USP47: variants seen among roughly 807,000 people sequenced by gnomAD.
The protein encoded by USP47 is ubiquitin carboxyl-terminal hydrolase 47.
A neutral mutation model predicts 165.1 loss-of-function variants in USP47; 35 were observed. The ratio of observed to expected loss-of-function variants is 0.21; its 90% CI spans 0.16 to 0.28. The LOEUF (loss-of-function observed/expected upper bound fraction) is 0.28, where lower values mean the gene tolerates loss of function less well. USP47 is among the 10% of genes least tolerant of loss of function. The pLI is 1.00. For synonymous variants in USP47, 531 were observed against 544.5 expected, an observed-to-expected ratio of 0.98 and a Z score of 0.35; for missense variants, 1,277 against 1,607.4, an observed-to-expected ratio of 0.79 and a Z score of 3.52.
At chr11:11,873,396 G>A (rs1427540620) in intron 1 of USP47, among the ~76,000 whole-genome samples, 1 of 152,074 alleles carries the variant, frequency 6.6e-6, no homozygotes, top group African/African-American at 2.4e-5. Context: ...ATATTGTTAA[G>A]CAGCCTTGTT....
intron 18 of USP47, among the ~76,000 whole-genome samples, chr11:11,938,747 C>CA (rs1340103722): frequency 6.6e-6 from 1 of 151,928 alleles, no homozygotes; most frequent in South Asian, 2.1e-4. Context: ...CATTTAGTGT[C>CA]TGGTGACACT....
chr11:11,907,286 G>A (rs1852634945), intron 8 of USP47, among the ~76,000 whole-genome samples: 1 of 152,160 alleles, frequency 6.6e-6, no homozygotes, highest in Non-Finnish European at 1.5e-5. Flanking sequence ...GTGGTTCAGT[G>A]GGAATTGGAA....
chr11:11,867,507 T>C (rs193221077), intron 1 of USP47, among the ~76,000 whole-genome samples: 2 of 152,356 alleles, frequency 1.3e-5, no homozygotes, highest in East Asian at 3.9e-4. Flanking sequence ...TGTTAAATTT[T>C]GTGTTTTTAA....
chr11:11,883,045 A>T (rs1850930821), intron 2 of USP47, among the ~76,000 whole-genome samples: 1 of 152,170 alleles, frequency 6.6e-6, no homozygotes, highest in Non-Finnish European at 1.5e-5. Context: ...TACTCCTCAG[A>T]AAACTAAGCC....
chr11:11,861,710 A>C (rs1441672657), intron 1 of USP47, among the ~76,000 whole-genome samples: 1 of 152,208 alleles, frequency 6.6e-6, no homozygotes, highest in African/African-American at 2.4e-5. Context: ...GGGACACCCT[A>C]ATACTAGAGC....
chr11:11,872,448 C>G (rs961590391), intron 1 of USP47, among the ~76,000 whole-genome samples: 4 of 152,230 alleles, frequency 2.6e-5, no homozygotes, highest in Admixed American at 2.6e-4. Context: ...GCAAGTTAGA[C>G]TCCTACTTTA....
intron 3 of USP47, among the ~76,000 whole-genome samples, chr11:11,890,599 T>A (rs1487021066): frequency 3.9e-5 from 6 of 152,150 alleles, no homozygotes; most frequent in Non-Finnish European, 7.4e-5. Context: ...GAAAATAATG[T>A]GGTCATTCCT....
rs773195332 is a variant in USP47, at chr11:11,938,356, A to G, written c.2177A>G (p.Lys726Arg). Residue 726 changes from lysine to arginine, a missense_variant, in exon 18 of 28, where the codon AAA becomes AGA. Physicochemically the swap from Lys to Arg is conservative, Grantham distance 26 (BLOSUM62 2). Transcript: ENST00000527733. Reference protein sequence around the residue: ...AYLNQTVTEFKQLISKAIHLP... With the variant: ...AYLNQTVTEFRQLISKAIHLP... ...TTAAATCAGACAGTTACAGAATTCA[A>G]ACAACTGATTTCAAAGGTAAGTTTT... 1.9e-5 allele frequency: 31 copies of G among 1,611,674 alleles called. No individual in the cohort carries two copies. Among genetic ancestry groups the G allele is most frequent in the Admixed American group, 1.0e-4 (6 of 59,782 alleles).
At position 11,955,993 on chromosome 11, in the gene USP47, A is replaced by C; in HGVS notation, c.3894-8A>C. On this transcript the variant is annotated splice_polypyrimidine_tract_variant and splice_region_variant and intron_variant, in intron 27 of 27. Transcript: ENST00000527733. ...TGGACTAATATGTGATTAATATTTT[A>C]TATGTAGGGATAAAACAGAAGAATT... is the stretch of plus-strand genomic sequence containing the variant. The C allele has an allele frequency of 1.3e-6, 2 of 1,540,704 alleles. No individual in the cohort carries two copies. Among genetic ancestry groups the C allele is most frequent in the African/African-American group, 1.4e-5 (1 of 72,098 alleles).
At chr11:11,921,362 A>G (rs1389911127) in intron 10 of USP47, among the ~76,000 whole-genome samples, 1 of 151,790 alleles carries the variant, frequency 6.6e-6, no homozygotes. Flanking sequence ...ATTGAGTACT[A>G]TGAGGCAGTT....
chr11:11,944,774 A>G (rs964622387), intron 20 of USP47, among the ~76,000 whole-genome samples: 5 of 152,162 alleles, frequency 3.3e-5, no homozygotes, highest in African/African-American at 9.7e-5. Flanking sequence ...CTTTTTTACC[A>G]TACTCAACCC....
At chr11:11,854,367 TG>T in intron 1 of USP47, among the ~76,000 whole-genome samples, 1 of 147,208 alleles carries the variant, frequency 6.8e-6, no homozygotes, top group East Asian at 2.0e-4. Context: ...AAATACCAGC[TG>T]TCTGACATTG....
In USP47 at chr11:11,930,098, T is replaced by A; in HGVS notation, c.1573T>A (p.Tyr525Asn). ...TGGTGGATCTTCAGGAAGCAGAGGA[T>A]ATTATTCTAGTGCTTTCGCAAGGTA... ...THGGSSGSRGYYSSAFASSTN... is the reference protein window; with the variant it reads ...THGGSSGSRGNYSSAFASSTN... Residue 525 changes from tyrosine (Y) to asparagine (N), a missense_variant, in exon 13 of 28, where the codon TAT (tyrosine) becomes AAT (asparagine). Tyr to Asn is a moderately radical substitution (Grantham distance 143). This residue lies in a region of USP47 where 909 missense variants were observed against 1,068.1 expected (regional missense o/e 0.85). Transcript: ENST00000527733. The A allele has an allele frequency of 6.2e-7, 1 of 1,613,124 alleles. No individual in the cohort carries two copies. The highest frequency in any genetic ancestry group is 8.5e-7 in the Non-Finnish European group (1 of 1,179,214).
At chr11:11,908,053 A>C (rs1158243949) in intron 8 of USP47, among the ~76,000 whole-genome samples, 1 of 151,996 alleles carries the variant, frequency 6.6e-6, no homozygotes, top group African/African-American at 2.4e-5. Context: ...GCACCACTGC[A>C]CTCCAGCCTG....
chr11:11,914,709 T>G (rs554007940), intron 8 of USP47, among the ~76,000 whole-genome samples: 79 of 152,266 alleles, frequency 5.2e-4, no homozygotes, highest in African/African-American at 1.8e-3. Flanking sequence ...GCAAAAGACA[T>G]AACATTTCAT....
At chr11:11,905,643 T>TG in intron 8 of USP47, 95 bp downstream of exon 8, 1 of 1,238,386 alleles carries the variant, frequency 8.1e-7, no homozygotes. Context: ...TCATCCTAGA[T>TG]ACACCTTCTT....
chr11:11,922,648 T>C (rs1853917134), intron 10 of USP47, 76 bp from the exon 11 acceptor site: 1 of 1,174,856 alleles, frequency 8.5e-7, no homozygotes. Flanking sequence ...ATATTAGCAG[T>C]ATATAGGTAC....
chr11:11,861,958 A>C (rs1849409272), intron 1 of USP47, among the ~76,000 whole-genome samples: 1 of 152,164 alleles, frequency 6.6e-6, no homozygotes, highest in African/African-American at 2.4e-5. Context: ...GTATTTAACT[A>C]GAATAATAAA....
intron 1 of USP47, among the ~76,000 whole-genome samples, chr11:11,851,426 T>C (rs1229724037): frequency 6.6e-6 from 1 of 152,216 alleles, no homozygotes; most frequent in East Asian, 1.9e-4. Flanking sequence ...GTTCCCAAAG[T>C]GTCTGAAACT....
Sources: gnomAD v4.1 joint callset for allele counts (sites outside exome capture counted in the v4.1 genomes callset) on GRCh38, gnomAD v4.1.1 for gene constraint, gnomAD v4.1.1 regional missense constraint, MANE v1.5 for transcripts, NCBI Gene and HGNC (gene_info 2026-07-23, HGNC 2026-07-21) for gene names.